RGS8: variants seen among roughly 807,000 people sequenced by gnomAD.
RGS8 encodes regulator of G protein signaling 8, also known as regulator of G-protein signaling 8.
A neutral mutation model predicts 21.7 loss-of-function variants in RGS8; 8 were observed. The ratio of observed to expected loss-of-function variants is 0.37; its 90% CI spans 0.22 to 0.66. The LOEUF is 0.66. Among genes scored for constraint, RGS8 ranks in the 30% least tolerant of loss-of-function variants. RGS8 has a pLI of 0.59. For missense variants in RGS8, 157 were observed against 217.9 expected (o/e 0.72, Z 1.76); for synonymous variants, 80 against 83.6 (o/e 0.96, Z 0.24).
intron 5 of RGS8, among the ~76,000 whole-genome samples, chr1:182,648,944 C>T (rs1662849316): frequency 6.6e-6 from 1 of 152,016 alleles, no homozygotes; most frequent in Admixed American, 6.6e-5. Context: ...CTACTAAATA[C>T]AAAGAATTAG....
At chr1:182,689,264 G>GACACACAC (rs34000229), upstream of RGS8, among the ~76,000 whole-genome samples, 157 of 125,766 alleles carry the variant, frequency 1.2e-3, 2 homozygotes, top group East Asian at 4.6e-3. Flanking sequence ...CACACACACA[G>GACACACAC]ACACACACAC....
At chr1:182,679,928 A>T (rs1368616807) in intron 1 of RGS8, among the ~76,000 whole-genome samples, 1 of 152,126 alleles carries the variant, frequency 6.6e-6, no homozygotes, top group Admixed American at 6.5e-5. Flanking sequence ...CAGAAATAGG[A>T]AAGTAATTAC....
At chr1:182,700,312 G>C in the RGS8 span, among the ~76,000 whole-genome samples, 1 of 152,210 alleles carries the variant, frequency 6.6e-6, no homozygotes, top group African/African-American at 2.4e-5. Context: ...GGAAGCAGGT[G>C]TAACCACTCA....
chr1:182,669,162 C>T (rs576084168), intron 3 of RGS8, among the ~76,000 whole-genome samples: 1 of 152,352 alleles, frequency 6.6e-6, no homozygotes, highest in African/African-American at 2.4e-5. Context: ...TATTTTTCAT[C>T]TTTCTAGCTA....
the RGS8 span, among the ~76,000 whole-genome samples, chr1:182,751,693 T>A: frequency 6.6e-6 from 1 of 152,196 alleles, no homozygotes; most frequent in Middle Eastern, 3.2e-3. Context: ...TGAATTTTAT[T>A]CCAAGCATTA....
the RGS8 span, among the ~76,000 whole-genome samples, chr1:182,724,927 T>C: frequency 6.6e-6 from 1 of 152,284 alleles, no homozygotes; most frequent in African/African-American, 2.4e-5. Flanking sequence ...ATTCTGTCAC[T>C]GTTGTAAGTG....
chr1:182,664,349 C>A (rs571416256), intron 5 of RGS8, among the ~76,000 whole-genome samples: 1 of 151,790 alleles, frequency 6.6e-6, no homozygotes, highest in South Asian at 2.1e-4. Flanking sequence ...GTAGAGAAGC[C>A]GAAATCAACG....
upstream of RGS8, among the ~76,000 whole-genome samples, chr1:182,688,287 T>C (rs1664748697): frequency 6.6e-6 from 1 of 152,214 alleles, no homozygotes; most frequent in Admixed American, 6.5e-5. Context: ...AATTCATCTT[T>C]TCTAGCCAGT....
the RGS8 span, among the ~76,000 whole-genome samples, chr1:182,697,241 T>C: frequency 6.6e-6 from 1 of 152,236 alleles, no homozygotes; most frequent in East Asian, 1.9e-4. Flanking sequence ...TAATGCTGAA[T>C]CTACCACAAT....
At chr1:182,669,169 G>T (rs1204595611) in intron 3 of RGS8, among the ~76,000 whole-genome samples, 1 of 152,170 alleles carries the variant, frequency 6.6e-6, no homozygotes, top group African/African-American at 2.4e-5. Flanking sequence ...CATCTTTCTA[G>T]CTAAGACCTC....
chr1:182,648,062 C>T (rs1027293073), intron 6 of RGS8, 75 bp downstream of exon 7: 1 of 1,374,298 alleles, frequency 7.3e-7, no homozygotes. Context: ...TCAAGCCTGG[C>T]TCAGATCCTC....
chr1:182,687,485 T>C (rs1338739430), upstream of RGS8, among the ~76,000 whole-genome samples: 1 of 152,180 alleles, frequency 6.6e-6, no homozygotes, highest in Non-Finnish European at 1.5e-5. Flanking sequence ...CCAGAGTAAA[T>C]GGAACCCAGG....
the RGS8 span, among the ~76,000 whole-genome samples, chr1:182,741,729 C>G: frequency 1.9e-5 from 2 of 107,188 alleles, no homozygotes; most frequent in Non-Finnish European, 4.5e-5. Flanking sequence ...ACCTCCCGGA[C>G]AGGGCGGCTG....
chr1:182,732,022 G>C, the RGS8 span, among the ~76,000 whole-genome samples: 4 of 152,142 alleles, frequency 2.6e-5, no homozygotes, highest in African/African-American at 4.8e-5. Flanking sequence ...AGGAAGTGTT[G>C]GGACTAGGAC....
intron 5 of RGS8, among the ~76,000 whole-genome samples, chr1:182,665,664 A>C: frequency 6.6e-6 from 1 of 152,186 alleles, no homozygotes; most frequent in East Asian, 1.9e-4. Context: ...TCTCATTCCC[A>C]AGTGAGCCCA....
At chr1:182,746,293 C>T in the RGS8 span, among the ~76,000 whole-genome samples, 1 of 152,056 alleles carries the variant, frequency 6.6e-6, no homozygotes, top group South Asian at 2.1e-4. Flanking sequence ...AAAAAGAGAC[C>T]ATATATGGCT....
At chr1:182,656,684 A>C (rs138590995) in intron 5 of RGS8, among the ~76,000 whole-genome samples, 1 of 152,330 alleles carries the variant, frequency 6.6e-6, no homozygotes, top group East Asian at 1.9e-4. Flanking sequence ...AACCAAAAGA[A>C]ACTTGAAAGT....
the RGS8 span, among the ~76,000 whole-genome samples, chr1:182,726,200 AC>A: frequency 2.0e-5 from 3 of 151,536 alleles, no homozygotes; most frequent in African/African-American, 7.3e-5. Flanking sequence ...AAAAAAAAAA[AC>A]TTCAGGTTTC....
chr1:182,709,672 C>T, the RGS8 span, among the ~76,000 whole-genome samples: 89 of 152,298 alleles, frequency 5.8e-4, no homozygotes, highest in African/African-American at 2.0e-3. Context: ...AGTTCTGACA[C>T]ACTATTTCTA....
Sources: allele counts gnomAD v4.1 joint callset (sites outside exome capture counted in the v4.1 genomes callset), GRCh38; gene constraint gnomAD v4.1.1; transcripts MANE v1.5; gene names NCBI Gene and HGNC (gene_info 2026-07-23, HGNC 2026-07-21).